Variants in NALF1 observed in about 807,000 individuals in gnomAD.
The protein encoded by NALF1 is NALCN channel auxiliary factor 1.
In NALF1, 3 loss-of-function variants were observed where a neutral mutation model predicts 48.4. The ratio of observed to expected loss-of-function variants is 0.06; its 90% CI spans 0.03 to 0.16. The LOEUF is 0.16. Among genes scored for constraint, NALF1 ranks in the 10% least tolerant of loss-of-function variants. The pLI, the probability that NALF1 is intolerant of heterozygous loss-of-function variation, is 1.00. For synonymous variants in NALF1, 262 were observed against 245.7 expected (o/e 1.07, Z -0.62); for missense variants, 526 against 571.5 (o/e 0.92, Z 0.81).
chr13:107,597,230 G>C (rs1242740166), intron 1 of NALF1, among the ~76,000 whole-genome samples: 1 of 152,142 alleles, frequency 6.6e-6, no homozygotes, highest in Non-Finnish European at 1.5e-5. Flanking sequence ...AGCAGCAGGT[G>C]TATTACCTTA....
At chr13:107,605,754 TG>T (rs544670921) in intron 1 of NALF1, among the ~76,000 whole-genome samples, 35 of 152,314 alleles carry the variant, frequency 2.3e-4, no homozygotes, top group Non-Finnish European at 4.0e-4. Flanking sequence ...TTAAACAAAG[TG>T]GGCTCAAGTC....
Position 107,754,392 on chromosome 13 carries a change from CACACA to C in NALF1, c.915+111285_915+111289del, listed in dbSNP as rs1566469362. On this transcript the variant is annotated intron_variant, in intron 1 of 2. Transcript: ENST00000375915. ...ACACACACACACACACACACACACA[CACACA>C]CCATATATGGAACCGCTGAACAATC... Among the ~76,000 whole-genome samples, 276 of 137,818 alleles carry C rather than the reference CACACA, an allele frequency of 2.0e-3. 3 individuals carry two copies. The East Asian group carries it at 0.039, about 20-fold the overall frequency. The allele number at this position is 137,818 out of a possible 152,430, so 90.4% of individuals were successfully genotyped here. A position where few individuals can be genotyped will look rare whatever the true frequency, so the allele number is the denominator to read the frequency against.
intron 1 of NALF1, among the ~76,000 whole-genome samples, chr13:107,777,121 C>T (rs1318446756): frequency 6.6e-6 from 1 of 152,116 alleles, no homozygotes; most frequent in Non-Finnish European, 1.5e-5. Flanking sequence ...AAACTGGTAA[C>T]ATTTACTGAT....
At chr13:107,726,962 T>TGTGA (rs1876174367) in intron 1 of NALF1, among the ~76,000 whole-genome samples, 3 of 130,876 alleles carry the variant, frequency 2.3e-5, no homozygotes, top group Non-Finnish European at 4.9e-5. Context: ...TGTGTGTGTG[T>TGTGA]GAAATGAAGA....
intron 1 of NALF1, among the ~76,000 whole-genome samples, chr13:107,668,569 T>C (rs1166080103): frequency 2.0e-5 from 3 of 152,202 alleles, no homozygotes; most frequent in Non-Finnish European, 2.9e-5. Context: ...TGTTTCAATA[T>C]TTGCAATATT....
At chr13:107,199,751 A>T (rs1879470930) in intron 2 of NALF1, among the ~76,000 whole-genome samples, 1 of 152,200 alleles carries the variant, frequency 6.6e-6, no homozygotes, top group Admixed American at 6.5e-5. Context: ...GGATACAAGG[A>T]CAAAAAACAG....
chr13:107,671,249 A>G (rs1428260237), intron 1 of NALF1, among the ~76,000 whole-genome samples: 2 of 152,176 alleles, frequency 1.3e-5, no homozygotes, highest in Non-Finnish European at 2.9e-5. Context: ...AAATATTGGC[A>G]CCAGTAAATA....
At chr13:107,562,277 G>T (rs776103589) in intron 1 of NALF1, among the ~76,000 whole-genome samples, 3 of 152,194 alleles carry the variant, frequency 2.0e-5, no homozygotes, top group African/African-American at 4.8e-5. Flanking sequence ...TATTTTGAAT[G>T]AGTCTTATGC....
chr13:107,336,966 T>C (rs1330743839), intron 1 of NALF1, among the ~76,000 whole-genome samples: 1 of 150,126 alleles, frequency 6.7e-6, no homozygotes, highest in Non-Finnish European at 1.5e-5. Flanking sequence ...CAGAAATCTC[T>C]GTTAGAAACC....
intron 1 of NALF1, among the ~76,000 whole-genome samples, chr13:107,798,099 T>C (rs1371750350): frequency 1.3e-5 from 2 of 152,156 alleles, no homozygotes; most frequent in African/African-American, 4.8e-5. Flanking sequence ...TAATAAAGGA[T>C]TCATAATTTT....
intron 1 of NALF1, among the ~76,000 whole-genome samples, chr13:107,808,358 G>A (rs547411539): frequency 1.3e-5 from 2 of 152,182 alleles, no homozygotes; most frequent in African/African-American, 4.8e-5. Flanking sequence ...TCTTCCATAT[G>A]AAAGGAATAT....
At chr13:107,384,749 T>C (rs1883499434) in intron 1 of NALF1, among the ~76,000 whole-genome samples, 1 of 152,204 alleles carries the variant, frequency 6.6e-6, no homozygotes. Flanking sequence ...TGAACCATGG[T>C]GGTGAACAAA....
chr13:107,305,799 A>G (rs1015817830), intron 1 of NALF1, among the ~76,000 whole-genome samples: 2 of 152,350 alleles, frequency 1.3e-5, no homozygotes, highest in East Asian at 3.9e-4. Flanking sequence ...TAGAAAAGGA[A>G]AAATAATCAA....
chr13:107,281,234 C>G (rs1411208680), intron 1 of NALF1, among the ~76,000 whole-genome samples: 2 of 152,132 alleles, frequency 1.3e-5, no homozygotes, highest in East Asian at 3.9e-4. Context: ...GTAAGAAATA[C>G]ACACAAATAA....
chr13:107,396,311 C>T (rs1056030114), intron 1 of NALF1, among the ~76,000 whole-genome samples: 2 of 152,174 alleles, frequency 1.3e-5, no homozygotes, highest in Admixed American at 6.5e-5. Context: ...CACAGTGCAG[C>T]TCTTAATGGA....
At chr13:107,317,405 A>G (rs1882171531) in intron 1 of NALF1, among the ~76,000 whole-genome samples, 1 of 152,090 alleles carries the variant, frequency 6.6e-6, no homozygotes, top group South Asian at 2.1e-4. Context: ...ATTGACTTTT[A>G]TCCATTTTGT....
intron 1 of NALF1, among the ~76,000 whole-genome samples, chr13:107,282,130 G>A (rs1400844577): frequency 6.6e-6 from 1 of 152,160 alleles, no homozygotes; most frequent in Non-Finnish European, 1.5e-5. Flanking sequence ...CGCTTTCTGA[G>A]TTGTAAACTT....
At chr13:107,476,429 A>G (rs1050127613) in intron 1 of NALF1, among the ~76,000 whole-genome samples, 4 of 152,152 alleles carry the variant, frequency 2.6e-5, no homozygotes, top group African/African-American at 9.7e-5. Context: ...AGAAAATTAA[A>G]TTAGATTAAG....
At chr13:107,562,695 C>A (rs1877682356) in intron 1 of NALF1, among the ~76,000 whole-genome samples, 1 of 152,164 alleles carries the variant, frequency 6.6e-6, no homozygotes, top group Admixed American at 6.5e-5. Context: ...CAAGACCATA[C>A]GAACTCATTC....
Sources: gnomAD v4.1 joint callset for allele counts (sites outside exome capture counted in the v4.1 genomes callset) on GRCh38, gnomAD v4.1.1 for gene constraint, MANE v1.5 for transcripts, NCBI Gene and HGNC (gene_info 2026-07-23, HGNC 2026-07-21) for gene names.